The following RBFOX1 variants were observed in gnomAD, a reference collection of about 807,000 sequenced individuals.
RBFOX1 encodes the protein RNA binding fox-1 homolog 1.
A neutral mutation model predicts 57.7 loss-of-function variants in RBFOX1; 8 were observed. The observed-to-expected ratio is 0.14, with a 90% CI of 0.08 to 0.25. The LOEUF (loss-of-function observed/expected upper bound fraction) is 0.25. Ranked by LOEUF, RBFOX1 falls within the 10% of genes least tolerant of loss-of-function variation. The probability of loss-of-function intolerance (pLI) is 1.00; values close to 1 mark genes in which losing one functional copy is unlikely to be tolerated. For missense variants in RBFOX1, 611 were observed against 548.5 expected (o/e 1.11, Z -1.14); for synonymous variants, 326 against 222.4 (o/e 1.47, Z -4.15).
intron 3 of RBFOX1, among the ~76,000 whole-genome samples, chr16:6,815,466 G>A (rs753950582): frequency 4.6e-5 from 7 of 152,032 alleles, no homozygotes; most frequent in Non-Finnish European, 1.0e-4. Flanking sequence ...CATTCGCAGT[G>A]GAATCCATTA....
At chr16:7,424,133 G>A (rs1177481504) in intron 4 of RBFOX1, among the ~76,000 whole-genome samples, 2 of 151,970 alleles carry the variant, frequency 1.3e-5, no homozygotes, top group Non-Finnish European at 2.9e-5. Flanking sequence ...TGAATTTTTA[G>A]GAAAAAGAGC....
At chr16:6,725,139 G>T (rs950795172) in intron 3 of RBFOX1, among the ~76,000 whole-genome samples, 1 of 142,414 alleles carries the variant, frequency 7.0e-6, no homozygotes, top group Non-Finnish European at 1.5e-5. Context: ...CAAGCTCTGC[G>T]TCCCGGGTTC....
chr16:7,271,105 T>G (rs1347041091), intron 4 of RBFOX1, among the ~76,000 whole-genome samples: 1 of 152,176 alleles, frequency 6.6e-6, no homozygotes, highest in Non-Finnish European at 1.5e-5. Flanking sequence ...TGTATCACAT[T>G]GTGCACATTT....
intron 3 of RBFOX1, among the ~76,000 whole-genome samples, chr16:6,781,685 T>C (rs185568247): frequency 5.3e-5 from 8 of 152,262 alleles, no homozygotes; most frequent in African/African-American, 1.9e-4. Flanking sequence ...ATCCATTTCT[T>C]CCAGATTTTC....
At chr16:5,446,784 A>T (rs1344286125) in intron 1 of RBFOX1, among the ~76,000 whole-genome samples, 1 of 152,102 alleles carries the variant, frequency 6.6e-6, no homozygotes, top group Admixed American at 6.6e-5. Flanking sequence ...CCAAGATGAC[A>T]GTCTAGTTCT....
At chr16:6,622,384 C>G (rs576059500) in intron 2 of RBFOX1, among the ~76,000 whole-genome samples, 2 of 152,082 alleles carry the variant, frequency 1.3e-5, no homozygotes, top group Non-Finnish European at 2.9e-5. Flanking sequence ...ATACGTAGTA[C>G]TTACCTTTTA....
At position 6,986,953 on chromosome 16, in the gene RBFOX1, C is replaced by G. The variant is rs79344814; in HGVS notation, c.-15-65104C>G. On this transcript the variant is annotated intron_variant, in intron 3 of 15. Coordinates refer to ENST00000550418, the MANE Select transcript of RBFOX1 (RefSeq NM_018723.4). ...CACCTGCCCACCCCGCCTGCATTCC[C>G]TACCCATGCTTTCGAATGCCATTTA... Among the ~76,000 whole-genome samples the G allele has an allele frequency of 2.9e-3, 443 of 152,292 alleles. 15 individuals carry two copies. The South Asian group carries it at 0.073, about 25-fold the overall frequency.
intron 11 of RBFOX1, among the ~76,000 whole-genome samples, chr16:7,635,672 T>A (rs992767861): frequency 6.6e-6 from 1 of 151,608 alleles, no homozygotes; most frequent in African/African-American, 2.4e-5. Context: ...TTTCACATAA[T>A]ACATTGTGAC....
intron 3 of RBFOX1, among the ~76,000 whole-genome samples, chr16:7,027,140 G>C (rs1375334632): frequency 6.6e-6 from 1 of 152,152 alleles, no homozygotes; most frequent in South Asian, 2.1e-4. Context: ...AGAGTGCTAA[G>C]AACAGTCTAC....
At chr16:5,446,427 G>C (rs1279728543) in intron 1 of RBFOX1, among the ~76,000 whole-genome samples, 1 of 152,038 alleles carries the variant, frequency 6.6e-6, no homozygotes, top group African/African-American at 2.4e-5. Flanking sequence ...TTTGTCCTCA[G>C]TTTATCTCAA....
rs1036561443 is a variant in RBFOX1 at position 6,959,669 on chromosome 16, G to C, written c.-15-92388G>C. ...TTAAAAGCTGAGGCTGGGCGTAATG[G>C]CTCACATCTGTAATCTCTAAACTTG... On this transcript the variant is annotated intron_variant, in intron 3 of 15. Coordinates refer to ENST00000550418, the MANE Select transcript of RBFOX1 (RefSeq NM_018723.4). 5.9e-5 allele frequency among the ~76,000 whole-genome samples: 9 copies of C among 152,230 alleles called. No homozygotes were observed. In the East Asian group the frequency reaches 1.7e-3, roughly 29 times the overall value.
intron 2 of RBFOX1, among the ~76,000 whole-genome samples, chr16:6,498,945 C>A (rs977198331): frequency 6.6e-6 from 1 of 152,176 alleles, no homozygotes; most frequent in Admixed American, 6.5e-5. Flanking sequence ...TTGGAGCCTT[C>A]TCCTCCAATA....
At chr16:6,876,388 G>T (rs1421900265) in intron 3 of RBFOX1, among the ~76,000 whole-genome samples, 2 of 151,448 alleles carry the variant, frequency 1.3e-5, no homozygotes, top group East Asian at 2.0e-4. Flanking sequence ...CCCCTGAAAT[G>T]AGCCTATGTT....
intron 2 of RBFOX1, among the ~76,000 whole-genome samples, chr16:6,340,695 A>G (rs941567680): frequency 6.6e-6 from 1 of 152,140 alleles, no homozygotes; most frequent in Admixed American, 6.6e-5. Context: ...CTTTACTGCA[A>G]CCTGTTTTAT....
intron 3 of RBFOX1, among the ~76,000 whole-genome samples, chr16:6,795,920 T>G (rs1404813636): frequency 6.6e-6 from 1 of 152,176 alleles, no homozygotes; most frequent in African/African-American, 2.4e-5. Flanking sequence ...TGTGTTTACC[T>G]GTCAGTGAAT....
chr16:6,916,612 C>T (rs1001549249), intron 3 of RBFOX1, among the ~76,000 whole-genome samples: 9 of 152,042 alleles, frequency 5.9e-5, no homozygotes, highest in African/African-American at 1.2e-4. Flanking sequence ...CATCTTGCAA[C>T]GCTATTGGCC....
chr16:6,231,652 A>G (rs72776423), intron 1 of RBFOX1, among the ~76,000 whole-genome samples: 17,739 of 152,258 alleles, frequency 0.12, 1,335 homozygotes, highest in South Asian at 0.19. Context: ...GTCTGAGGCC[A>G]CTTACAATCA....
At chr16:5,973,386 C>G (rs149053574) in intron 4 of RBFOX1, among the ~76,000 whole-genome samples, 2 of 152,156 alleles carry the variant, frequency 1.3e-5, no homozygotes, top group African/African-American at 2.4e-5. Flanking sequence ...ACATTGTTTC[C>G]TTCAAACTCA....
intron 1 of RBFOX1, among the ~76,000 whole-genome samples, chr16:6,164,784 T>C (rs1417098766): frequency 6.6e-6 from 1 of 152,150 alleles, no homozygotes; most frequent in Non-Finnish European, 1.5e-5. Flanking sequence ...GGAAATATTT[T>C]AATTGCCTGT....
Sources: allele counts gnomAD v4.1 joint callset (sites outside exome capture counted in the v4.1 genomes callset), GRCh38; gene constraint gnomAD v4.1.1; transcripts MANE v1.5; gene names NCBI Gene and HGNC (gene_info 2026-07-23, HGNC 2026-07-21).